Variants in LOXL2 observed in about 807,000 individuals in gnomAD.
The protein encoded by LOXL2 is lysyl oxidase homolog 2.
In LOXL2, 70 loss-of-function variants were observed where a neutral mutation model predicts 93.0. The ratio of observed to expected loss-of-function variants is 0.75; its 90% CI spans 0.62 to 0.92. LOXL2 has a LOEUF of 0.92. Ranked by LOEUF, LOXL2 falls within the 40% of genes least tolerant of loss-of-function variation. The pLI is 0.00. For synonymous variants in LOXL2, 438 were observed against 413.2 expected (o/e 1.06, Z -0.73); for missense variants, 973 against 1,054.9 (o/e 0.92, Z 1.08).
intron 3 of LOXL2, among the ~76,000 whole-genome samples, chr8:23,348,994 T>C (rs1291281823): frequency 1.4e-5 from 2 of 140,446 alleles, no homozygotes; most frequent in Non-Finnish European, 3.0e-5. Context: ...ACATCCAAGA[T>C]GCCCTCAACT....
intron 2 of LOXL2, among the ~76,000 whole-genome samples, chr8:23,361,351 C>T (rs1804287140): frequency 6.6e-6 from 1 of 152,120 alleles, no homozygotes; most frequent in African/African-American, 2.4e-5. Context: ...CCAATATTTC[C>T]CATCGCTGGC....
chr8:23,327,230 T>C (rs1378473773), intron 6 of LOXL2, among the ~76,000 whole-genome samples: 2 of 152,224 alleles, frequency 1.3e-5, no homozygotes, highest in Non-Finnish European at 2.9e-5. Context: ...ACTAGACAGA[T>C]GAGCTCCACT....
chr8:23,391,991 G>C (rs1563210477), intron 1 of LOXL2, among the ~76,000 whole-genome samples: 1 of 152,206 alleles, frequency 6.6e-6, no homozygotes, highest in Non-Finnish European at 1.5e-5. Flanking sequence ...CTTGTCACAT[G>C]CCTCATGTGA....
At chr8:23,385,806 T>C in intron 1 of LOXL2, 1 of 597,638 alleles carries the variant, frequency 1.7e-6, no homozygotes, top group Non-Finnish European at 3.0e-6. Context: ...TATATTTTAT[T>C]TGATGCAATA....
rs1179864260 is a variant in LOXL2, at chr8:23,298,034, C to T, written c.*9G>A. The T allele has an allele frequency of 5.0e-6, 8 of 1,612,526 alleles. No individual in the cohort carries two copies. The highest frequency in any genetic ancestry group is 6.8e-6 in the Non-Finnish European group (8 of 1,179,224). ...GGCCTGAAGACAGGAGTTGACCACG[C>T]AGGCTTCTTTACTGCGGGGACAGCT... On this transcript the variant is annotated 3_prime_UTR_variant, in exon 14 of 14. Coordinates refer to ENST00000389131, the MANE Select transcript of LOXL2 (RefSeq NM_002318.3).
At chr8:23,302,901 T>C (rs1443783255) in intron 11 of LOXL2, among the ~76,000 whole-genome samples, 1 of 152,110 alleles carries the variant, frequency 6.6e-6, no homozygotes, top group Non-Finnish European at 1.5e-5. Context: ...GGGTGACACC[T>C]GGTGTGGTAG....
rs142121480 is a variant in LOXL2 at position 23,350,040 on chromosome 8, G to C, written c.532-8837C>G. On this transcript the variant is annotated intron_variant, in intron 3 of 13. Coordinates refer to ENST00000389131, the MANE Select transcript of LOXL2 (RefSeq NM_002318.3). The stretch of plus-strand genomic sequence containing the variant: ...TATGGATAGACAGGAGAACATCTGT[G>C]CTTTGTCCAGGCATCCTTTTGTCAC... Among the ~76,000 whole-genome samples, 706 of 152,178 alleles carry C rather than the reference G, an allele frequency of 4.6e-3. 4 individuals are homozygous for C. The highest frequency in any genetic ancestry group is 7.9e-3 in the Non-Finnish European group (539 of 68,028).
At chr8:23,311,495 C>T (rs1803318448) in intron 9 of LOXL2, among the ~76,000 whole-genome samples, 1 of 152,202 alleles carries the variant, frequency 6.6e-6, no homozygotes, top group African/African-American at 2.4e-5. Flanking sequence ...CCTCTGAATA[C>T]CTCTGAGCTG....
chr8:23,322,283 T>G lies in LOXL2; in HGVS notation c.1151-2A>C, dbSNP rs1439167340. On this transcript the variant is annotated splice_acceptor_variant, in intron 6 of 13. Transcript: ENST00000389131. LOFTEE classifies it high-confidence loss of function. ...CGTTGAGGTGGATGGGTCCGATCCC[T>G]GCAAGGGGAGAATAAACATGCTCTA... The G allele has an allele frequency of 1.2e-6, 2 of 1,612,334 alleles. No individual in the cohort carries two copies. The highest frequency in any genetic ancestry group is 3.3e-5 in the Admixed American group (2 of 59,866).
At chr8:23,383,240 G>C (rs117437261) in intron 1 of LOXL2, among the ~76,000 whole-genome samples, 1 of 152,036 alleles carries the variant, frequency 6.6e-6, no homozygotes, top group East Asian at 1.9e-4. Context: ...ATCAGAACAC[G>C]CTGTCTGAAT....
chr8:23,333,970 C>A (rs7821261), intron 4 of LOXL2, among the ~76,000 whole-genome samples: 10,666 of 152,234 alleles, frequency 0.07, 809 homozygotes, highest in East Asian at 0.24. Context: ...GATCCCTGGT[C>A]CTAGAAAACC....
At chr8:23,322,073 T>C (rs751329167) in intron 7 of LOXL2, 57 bp downstream of exon 7, 6 of 1,582,654 alleles carry the variant, frequency 3.8e-6, no homozygotes, top group Non-Finnish European at 5.2e-6. Context: ...CAGAGCTCTG[T>C]GGCTATACTT....
intron 9 of LOXL2, among the ~76,000 whole-genome samples, chr8:23,314,146 G>A (rs1767309919): frequency 6.6e-6 from 1 of 152,152 alleles, no homozygotes; most frequent in African/African-American, 2.4e-5. Flanking sequence ...GGGAACAACA[G>A]GTGCTGGAGA....
chr8:23,371,804 C>T (rs373029519), intron 1 of LOXL2, among the ~76,000 whole-genome samples: 2 of 138,636 alleles, frequency 1.4e-5, no homozygotes, highest in Non-Finnish European at 3.0e-5. Flanking sequence ...AAGCGCAGCA[C>T]GAAAGGCAGG....
chr8:23,399,486 G>C (rs1359221786), intron 1 of LOXL2, among the ~76,000 whole-genome samples: 4 of 152,276 alleles, frequency 2.6e-5, no homozygotes, highest in African/African-American at 9.6e-5. Flanking sequence ...GTTATCATGG[G>C]AAGGGAATTG....
chr8:23,308,087 T>C (rs893626127), intron 10 of LOXL2, among the ~76,000 whole-genome samples: 4 of 152,110 alleles, frequency 2.6e-5, no homozygotes, highest in Non-Finnish European at 5.9e-5. Context: ...TAGCATTATC[T>C]TGGGCAAGAG....
chr8:23,366,430 G>T (rs1275592380), intron 2 of LOXL2, among the ~76,000 whole-genome samples: 1 of 152,164 alleles, frequency 6.6e-6, no homozygotes, highest in Non-Finnish European at 1.5e-5. Flanking sequence ...GTATGAGATG[G>T]GACTTCCTTT....
intron 6 of LOXL2, among the ~76,000 whole-genome samples, chr8:23,327,916 G>A (rs1803607236): frequency 6.6e-6 from 1 of 152,156 alleles, no homozygotes; most frequent in African/African-American, 2.4e-5. Context: ...CCCTTTCTCT[G>A]CTGTCAGGGA....
At chr8:23,360,026 A>G in intron 3 of LOXL2, 64 bp downstream of exon 3, 1 of 1,471,006 alleles carries the variant, frequency 6.8e-7, no homozygotes, top group Non-Finnish European at 9.4e-7. Flanking sequence ...AATACGCAAA[A>G]AGCGAGTTGC....
Sources: allele counts gnomAD v4.1 joint callset (sites outside exome capture counted in the v4.1 genomes callset), GRCh38; gene constraint gnomAD v4.1.1; transcripts MANE v1.5; gene names NCBI Gene and HGNC (gene_info 2026-07-23, HGNC 2026-07-21).